DLGAP1: variants seen among roughly 807,000 people sequenced by gnomAD.
The protein encoded by DLGAP1 is disks large-associated protein 1.
A neutral mutation model predicts 90.8 loss-of-function variants in DLGAP1; 11 were observed. The ratio of observed to expected loss-of-function variants is 0.12; its 90% CI spans 0.08 to 0.20. DLGAP1 has a LOEUF of 0.20. Ranked by LOEUF, DLGAP1 falls within the 10% of genes least tolerant of loss-of-function variation. The pLI is 1.00. For missense variants in DLGAP1, 1,050 were observed against 1,333.8 expected (o/e 0.79, Z 3.31); for synonymous variants, 558 against 540.7 (o/e 1.03, Z -0.44).
At chr18:3,851,238 A>T (rs2069323143) in intron 4 of DLGAP1, among the ~76,000 whole-genome samples, 1 of 152,152 alleles carries the variant, frequency 6.6e-6, no homozygotes, top group Admixed American at 6.5e-5. Flanking sequence ...AAAGACTGAA[A>T]TTTACGCAGC....
chr18:3,715,295 A>G (rs1237210854), intron 7 of DLGAP1, among the ~76,000 whole-genome samples: 1 of 152,232 alleles, frequency 6.6e-6, no homozygotes, highest in African/African-American at 2.4e-5. Context: ...AGCAAGAAAA[A>G]GGGAAGGCAA....
chr18:3,670,425 C>T (rs1005430710), intron 7 of DLGAP1, among the ~76,000 whole-genome samples: 12 of 152,206 alleles, frequency 7.9e-5, no homozygotes, highest in African/African-American at 2.9e-4. Flanking sequence ...CTCTGCATTA[C>T]AAGCAAATCT....
At chr18:3,980,808 C>T (rs2073711571) in intron 3 of DLGAP1, among the ~76,000 whole-genome samples, 1 of 152,022 alleles carries the variant, frequency 6.6e-6, no homozygotes, top group Non-Finnish European at 1.5e-5. Flanking sequence ...AACATGCATA[C>T]ACGTATCATA....
chr18:4,024,616 G>T (rs2074669626), intron 2 of DLGAP1, among the ~76,000 whole-genome samples: 1 of 152,184 alleles, frequency 6.6e-6, no homozygotes, highest in Admixed American at 6.5e-5. Flanking sequence ...GGGGTCAGGG[G>T]AGTGCAATTC....
intron 3 of DLGAP1, among the ~76,000 whole-genome samples, chr18:3,890,222 TTAAG>T (rs1258172302): frequency 6.6e-6 from 1 of 152,226 alleles, no homozygotes; most frequent in Non-Finnish European, 1.5e-5. Flanking sequence ...TTATACCCAT[TTAAG>T]TATTTATTGG....
intron 1 of DLGAP1, among the ~76,000 whole-genome samples, chr18:4,209,568 A>C (rs1442624541): frequency 6.6e-6 from 1 of 152,224 alleles, no homozygotes; most frequent in Non-Finnish European, 1.5e-5. Flanking sequence ...AAATTAAAGG[A>C]GATCATAGGC....
intron 4 of DLGAP1, among the ~76,000 whole-genome samples, chr18:3,875,615 T>A (rs917465237): frequency 6.6e-6 from 1 of 152,210 alleles, no homozygotes; most frequent in Non-Finnish European, 1.5e-5. Flanking sequence ...CTTAACCTAA[T>A]TTACGAAATC....
chr18:4,119,089 GTATTT>G (rs753354243), intron 2 of DLGAP1, among the ~76,000 whole-genome samples: 6 of 151,394 alleles, frequency 4.0e-5, no homozygotes, highest in Non-Finnish European at 7.4e-5. Context: ...CCTTATCTCA[GTATTT>G]TATTTTATTT....
At chr18:4,079,586 C>T (rs774261616) in intron 2 of DLGAP1, among the ~76,000 whole-genome samples, 26 of 151,798 alleles carry the variant, frequency 1.7e-4, no homozygotes, top group African/African-American at 1.7e-4. Flanking sequence ...TTGGGTACAG[C>T]GTACACTGCT....
chr18:4,057,654 C>T (rs530143849), intron 2 of DLGAP1, among the ~76,000 whole-genome samples: 4 of 152,334 alleles, frequency 2.6e-5, no homozygotes, highest in Admixed American at 2.6e-4. Flanking sequence ...CATTCCTGCT[C>T]TAAAATTTGT....
At chr18:3,602,759 A>C (rs1192743423) in intron 7 of DLGAP1, among the ~76,000 whole-genome samples, 4 of 152,170 alleles carry the variant, frequency 2.6e-5, no homozygotes, top group Admixed American at 6.5e-5. Flanking sequence ...ACCATAGAAG[A>C]TACAAGCAAT....
chr18:3,522,592 C>T (rs1369666766), intron 10 of DLGAP1, among the ~76,000 whole-genome samples: 1 of 142,542 alleles, frequency 7.0e-6, no homozygotes, highest in Admixed American at 7.3e-5. Context: ...GCCCAGGCTG[C>T]AGTGAAGTGG....
chr18:3,705,759 A>G lies in DLGAP1; in HGVS notation c.1591+23376T>C, dbSNP rs534179216. Among the ~76,000 whole-genome samples the G allele has an allele frequency of 7.3e-5, 11 of 150,970 alleles. 1 individual carries two copies. In the South Asian group the frequency reaches 2.3e-3, roughly 32 times the overall value. Reference sequence around the variant, plus strand: ...CTACAACCTCTGCCTCCTGGGTTCAAGTGATTCTCCTGCCTTAGCCTCCCT... The same window carrying G: ...CTACAACCTCTGCCTCCTGGGTTCAGGTGATTCTCCTGCCTTAGCCTCCCT... On this transcript the variant is annotated intron_variant, in intron 7 of 12. Transcript: ENST00000315677.
At chr18:4,285,833 G>A (rs2079675997) in intron 1 of DLGAP1, among the ~76,000 whole-genome samples, 1 of 152,194 alleles carries the variant, frequency 6.6e-6, no homozygotes, top group South Asian at 2.1e-4. Flanking sequence ...TCCTAAGTCA[G>A]GTTTTCAATC....
intron 12 of DLGAP1, among the ~76,000 whole-genome samples, chr18:3,501,671 G>A (rs1338784812): frequency 6.6e-6 from 1 of 152,114 alleles, no homozygotes; most frequent in Non-Finnish European, 1.5e-5. Flanking sequence ...CATTTCAAGG[G>A]AACAGCCATT....
chr18:4,315,385 G>A (rs936575163), intron 1 of DLGAP1, among the ~76,000 whole-genome samples: 1 of 152,136 alleles, frequency 6.6e-6, no homozygotes, highest in African/African-American at 2.4e-5. Context: ...TTAAATGCTT[G>A]CTTGCCACAG....
rs531035546 is a variant in DLGAP1 at position 3,942,520 on chromosome 18, A to G, written c.-72-62380T>C. 1.1e-3 allele frequency among the ~76,000 whole-genome samples: 162 copies of G among 152,336 alleles called. 3 individuals carry two copies. The highest frequency in any genetic ancestry group is 3.8e-3 in the Admixed American group (58 of 15,298). ...GACTAGTAAGTAAGTTCTAGGAAGG[A>G]TCAACAAAGCGATGGCATCTGAATT... On this transcript the variant is annotated intron_variant, in intron 3 of 12. Coordinates refer to ENST00000315677, the MANE Select transcript of DLGAP1 (RefSeq NM_004746.4).
intron 3 of DLGAP1, among the ~76,000 whole-genome samples, chr18:3,968,548 G>A (rs770292321): frequency 4.6e-5 from 7 of 152,090 alleles, no homozygotes; most frequent in Non-Finnish European, 7.4e-5. Flanking sequence ...AGACCATCAC[G>A]GAAGTTTTAA....
intron 2 of DLGAP1, among the ~76,000 whole-genome samples, chr18:4,060,983 A>G (rs4263031): frequency 0.43 from 65,983 of 152,058 alleles, 15,308 homozygotes; most frequent in African/African-American, 0.6. Flanking sequence ...TCTTAACTGT[A>G]CAACTTGCCT....
Sources: gnomAD v4.1 joint callset for allele counts (sites outside exome capture counted in the v4.1 genomes callset) on GRCh38, gnomAD v4.1.1 for gene constraint, MANE v1.5 for transcripts, NCBI Gene and HGNC (gene_info 2026-07-23, HGNC 2026-07-21) for gene names.